Variants in TLK2 observed in about 807,000 individuals in gnomAD.
The protein encoded by TLK2 is tousled like kinase 2.
Under a neutral mutation model 117.3 loss-of-function variants are expected in TLK2, and 6 were observed. The observed-to-expected ratio is 0.05, with a 90% CI of 0.03 to 0.10. The LOEUF is 0.10. Ranked by LOEUF, TLK2 falls within the 10% of genes least tolerant of loss-of-function variation. TLK2 has a pLI of 1.00. For synonymous variants in TLK2, 257 were observed against 316.7 expected, an observed-to-expected ratio of 0.81 and a Z score of 2.00; for missense variants, 299 against 901.2, an observed-to-expected ratio of 0.33 and a Z score of 8.56.
At chr17:62,527,035 C>T (rs1217385787) in intron 6 of TLK2, among the ~76,000 whole-genome samples, 5 of 152,196 alleles carry the variant, frequency 3.3e-5, no homozygotes, top group Non-Finnish European at 5.9e-5. Context: ...GCCATTCTCC[C>T]TCTCCTTCAT....
At chr17:62,599,158 G>T (rs896666405) in intron 17 of TLK2, among the ~76,000 whole-genome samples, 6 of 152,294 alleles carry the variant, frequency 3.9e-5, no homozygotes, top group African/African-American at 1.4e-4. Context: ...TGTTGGCCAG[G>T]CTGGTCTCAA....
chr17:62,517,676 C>T (rs754548072), intron 2 of TLK2, among the ~76,000 whole-genome samples: 8 of 151,398 alleles, frequency 5.3e-5, no homozygotes, highest in African/African-American at 9.7e-5. Flanking sequence ...GCCACCACGC[C>T]GGCCGAATTT....
At chr17:62,577,908 G>A (rs187889197) in intron 13 of TLK2, among the ~76,000 whole-genome samples, 2 of 152,204 alleles carry the variant, frequency 1.3e-5, no homozygotes, top group East Asian at 1.9e-4. Flanking sequence ...TTAGCTGGGC[G>A]TGGTGGCATG....
intron 2 of TLK2, among the ~76,000 whole-genome samples, chr17:62,496,662 A>G (rs1319801819): frequency 6.6e-6 from 1 of 152,070 alleles, no homozygotes; most frequent in East Asian, 1.9e-4. Context: ...ACGTTCTTAA[A>G]AAGTTCTTTG....
At chr17:62,594,232 AC>A (rs968857488) in intron 16 of TLK2, among the ~76,000 whole-genome samples, 49 of 151,902 alleles carry the variant, frequency 3.2e-4, no homozygotes, top group Non-Finnish European at 1.5e-4. Context: ...ACATGGCAAA[AC>A]CCCCTCTCTA....
At chr17:62,560,730 T>A in intron 10 of TLK2, among the ~76,000 whole-genome samples, 1 of 151,502 alleles carries the variant, frequency 6.6e-6, no homozygotes, top group South Asian at 2.1e-4. Context: ...CTCAGCACAC[T>A]GTAGCCTTCG....
chr17:62,531,768 T>G (rs1192622429), intron 6 of TLK2, among the ~76,000 whole-genome samples: 5 of 152,232 alleles, frequency 3.3e-5, no homozygotes, highest in Non-Finnish European at 2.9e-5. Context: ...TTATTTTGTT[T>G]GCTTATTTCA....
chr17:62,592,823 T>C (rs1197983100), intron 16 of TLK2, among the ~76,000 whole-genome samples: 1 of 152,206 alleles, frequency 6.6e-6, no homozygotes, highest in East Asian at 1.9e-4. Context: ...GCCCTGAGCT[T>C]GCTTTCCTGC....
chr17:62,486,392 C>T (rs1434600053), intron 2 of TLK2, among the ~76,000 whole-genome samples: 2 of 152,112 alleles, frequency 1.3e-5, no homozygotes, highest in South Asian at 2.1e-4. Flanking sequence ...TCTCTCTTGA[C>T]CTCATGATCC....
At chr17:62,544,300 CTG>C (rs933390999) in intron 7 of TLK2, among the ~76,000 whole-genome samples, 3 of 152,250 alleles carry the variant, frequency 2.0e-5, no homozygotes, top group African/African-American at 7.2e-5. Context: ...GGAAGCATGA[CTG>C]GGAGGCCTCA....
chr17:62,594,182 C>T (rs933544037), intron 16 of TLK2, among the ~76,000 whole-genome samples: 4 of 152,062 alleles, frequency 2.6e-5, no homozygotes, highest in Admixed American at 1.3e-4. Context: ...CCATGGCAGG[C>T]GGATCACTTG....
chr17:62,512,861 A>AATAATTATTATT (rs1555610963), intron 2 of TLK2, among the ~76,000 whole-genome samples: 4 of 141,166 alleles, frequency 2.8e-5, no homozygotes, highest in Non-Finnish European at 6.1e-5. Context: ...AAAATTTATT[A>AATAATTATTATT]ATTATTATTA....
At chr17:62,521,733 A>T (rs1015478657) in intron 3 of TLK2, among the ~76,000 whole-genome samples, 3 of 147,422 alleles carry the variant, frequency 2.0e-5, no homozygotes, top group Non-Finnish European at 4.5e-5. Flanking sequence ...CATGCATGAG[A>T]TTTTTTTTTT....
At chr17:62,591,373 C>T (rs977747670) in intron 16 of TLK2, among the ~76,000 whole-genome samples, 1 of 150,818 alleles carries the variant, frequency 6.6e-6, no homozygotes. Context: ...AAAAAAAAAC[C>T]AGCGTGGAGC....
intron 7 of TLK2, among the ~76,000 whole-genome samples, chr17:62,545,074 T>C (rs2077801428): frequency 6.6e-6 from 1 of 152,202 alleles, no homozygotes. Flanking sequence ...TTGCCTAGGC[T>C]GTAGTGCAGT....
intron 19 of TLK2, among the ~76,000 whole-genome samples, chr17:62,604,643 G>A (rs897120675): frequency 6.6e-6 from 1 of 152,142 alleles, no homozygotes; most frequent in Non-Finnish European, 1.5e-5. Context: ...AGGTGTGGTG[G>A]CTCATGCCTG....
At chr17:62,544,832 A>G (rs2077785616) in intron 7 of TLK2, among the ~76,000 whole-genome samples, 1 of 152,246 alleles carries the variant, frequency 6.6e-6, no homozygotes, top group Non-Finnish European at 1.5e-5. Flanking sequence ...CTTTCAATCC[A>G]TGAACACAAA....
intron 6 of TLK2, among the ~76,000 whole-genome samples, chr17:62,529,213 T>C (rs538785956): frequency 6.6e-6 from 1 of 152,308 alleles, no homozygotes; most frequent in Non-Finnish European, 1.5e-5. Flanking sequence ...CTTCATCTCT[T>C]TAAAGCTCTT....
chr17:62,594,956 C>T (rs1294328127), intron 16 of TLK2, among the ~76,000 whole-genome samples: 2 of 152,100 alleles, frequency 1.3e-5, no homozygotes, highest in African/African-American at 2.4e-5. Flanking sequence ...ACAGTGGTGC[C>T]GACCAGGAAT....
Sources: gnomAD v4.1 joint callset for allele counts (sites outside exome capture counted in the v4.1 genomes callset) on GRCh38, gnomAD v4.1.1 for gene constraint, MANE v1.5 for transcripts, NCBI Gene and HGNC (gene_info 2026-07-23, HGNC 2026-07-21) for gene names.